Variants in SERPINB4 observed in about 807,000 individuals in gnomAD.
SERPINB4 encodes the protein serpin family B member 4, also known as serpin B4.
SERPINB4 carries 39 observed loss-of-function variants against 33.2 expected under a neutral mutation model. That is an observed-to-expected ratio of 1.18 (90% CI 0.91 to 1.53). The LOEUF (loss-of-function observed/expected upper bound fraction) is 1.53, where lower values mean the gene tolerates loss of function less well. SERPINB4 is among the 40% of genes most tolerant of loss of function. The probability of loss-of-function intolerance (pLI) is 0.00; values close to 1 mark genes in which losing one functional copy is unlikely to be tolerated. For synonymous variants in SERPINB4, 191 were observed against 166.4 expected, an observed-to-expected ratio of 1.15 and a Z score of -1.14; for missense variants, 564 against 455.4, an observed-to-expected ratio of 1.24 and a Z score of -2.17.
At chr18:63,642,000 T>C in intron 3 of SERPINB4, 112 bp from the exon 4 acceptor site, 1 of 1,458,416 alleles carries the variant, frequency 6.9e-7, no homozygotes, top group Non-Finnish European at 9.4e-7. Flanking sequence ...TTGAGGACCT[T>C]TGATGTTATT....
chr18:63,639,707 A>G lies in SERPINB4; in HGVS notation c.539T>C (p.Ile180Thr). 1 of 1,612,244 alleles carries G rather than the reference A, an allele frequency of 6.2e-7. No homozygotes were observed. The highest frequency in any genetic ancestry group is 8.5e-7 in the Non-Finnish European group (1 of 1,178,668). Reference sequence around the variant, plus strand: ...ATTCTCCCACTGCCCTTTGAAATAGATTGCGTTCACAAGAACCAGTGTCGT... The same window carrying G: ...ATTCTCCCACTGCCCTTTGAAATAGGTTGCGTTCACAAGAACCAGTGTCGT... ...NDTTLVLVNA[I>T]YFKGQWENKF... Residue 180 changes from isoleucine to threonine, a missense_variant, in exon 6 of 8, where the codon ATC becomes ACC. By Grantham distance (89) the Ile-to-Thr change is moderately conservative. Transcript: ENST00000341074.
At chr18:63,643,754 A>G (rs1335251235) in intron 1 of SERPINB4, among the ~76,000 whole-genome samples, 151 bp from the exon 2 acceptor site, 1 of 152,116 alleles carries the variant, frequency 6.6e-6, no homozygotes, top group Non-Finnish European at 1.5e-5. Context: ...TCTTTCTACA[A>G]TGTGCATATA....
At chr18:63,641,561 A>T (rs1346844306) in intron 4 of SERPINB4, among the ~76,000 whole-genome samples, 199 bp downstream of exon 4, 2 of 152,016 alleles carry the variant, frequency 1.3e-5, no homozygotes, top group Admixed American at 6.6e-5. Context: ...TTATCCCTAA[A>T]TCCACACTTC....
rs1912971341 is a variant in SERPINB4 at position 63,637,697 on chromosome 18, T to C, written c.*22A>G. 1 of 1,567,858 alleles carries C rather than the reference T, an allele frequency of 6.4e-7. No individual in the cohort carries two copies. Among genetic ancestry groups the C allele is most frequent in the Non-Finnish European group, 8.6e-7 (1 of 1,157,244 alleles). On this transcript the variant is annotated 3_prime_UTR_variant, in exon 8 of 8. Transcript: ENST00000341074. ...CACCTCTAGGTGAACATTTTCTAAATGGAGTGACAGACTAATTGCATCTAT... is the reference window on the plus strand; with the variant it reads ...CACCTCTAGGTGAACATTTTCTAAACGGAGTGACAGACTAATTGCATCTAT...
chr18:63,639,107 C>A, intron 7 of SERPINB4, 78 bp downstream of exon 7: 1 of 1,456,266 alleles, frequency 6.9e-7, no homozygotes, highest in South Asian at 1.6e-5. Context: ...CGGTCATAAG[C>A]TTTTACCTTG....
rs776882459 is a variant in SERPINB4, at chr18:63,637,998, C to T, written c.894G>A (p.Thr298=). The part of the protein sequence containing the change: ...KMEESYDLKD[T]LRTMGMVNIF... The stretch of plus-strand genomic sequence containing the variant: ...TATTCACCATTCCCATGGTTCTCAA[C>T]GTGTCCTTGAGGTCATAGCTCTCTT... Residue 298 remains threonine, a synonymous_variant, in exon 8 of 8, where the codon ACG becomes ACA. Transcript: ENST00000341074. 25 of 1,613,500 alleles carry T rather than the reference C, an allele frequency of 1.5e-5. No homozygotes were observed. The Middle Eastern group carries it at 1.3e-3, about 85-fold the overall frequency.
rs926242010 is a variant in SERPINB4 at position 63,644,249 on chromosome 18, G to C, written c.-67C>G. 4 of 152,578 alleles carry C rather than the reference G, an allele frequency of 2.6e-5. No individual in the cohort carries two copies. Among genetic ancestry groups the C allele is most frequent in the African/African-American group, 9.7e-5 (4 of 41,404 alleles). 9.5% of individuals were successfully genotyped at this position (152,578 alleles called of 1,614,324 possible). A position where few individuals can be genotyped will look rare whatever the true frequency, so the allele number is the denominator to read the frequency against. On this transcript the variant is annotated 5_prime_UTR_variant, in exon 1 of 8. Coordinates refer to ENST00000341074, the MANE Select transcript of SERPINB4 (RefSeq NM_002974.4). ...AAGCAGAGGTGGGCAGAGAGGCTGT[G>C]TGTGTCTGTGGAATGAAGGGTGAGA...
intron 2 of SERPINB4, 86 bp from the exon 3 acceptor site, chr18:63,643,303 A>C (rs374445926): frequency 1.9e-5 from 31 of 1,611,294 alleles, no homozygotes; most frequent in Non-Finnish European, 2.5e-5. Context: ...GAATTCCTGC[A>C]CAGCCCCCTG....
intron 3 of SERPINB4, 98 bp downstream of exon 3, chr18:63,643,063 C>T (rs2144475965): frequency 6.8e-7 from 1 of 1,463,376 alleles, no homozygotes; most frequent in Non-Finnish European, 9.5e-7. Context: ...CCAAGATTTT[C>T]CCTAAAACTG....
rs1218897944 is a variant in SERPINB4 at position 63,643,557 on chromosome 18, G to C, written c.21C>G (p.Ala7=). 15 of 1,613,458 alleles carry C rather than the reference G, an allele frequency of 9.3e-6. No individual in the cohort carries two copies. Among genetic ancestry groups the C allele is most frequent in the Non-Finnish European group, 1.3e-5 (15 of 1,179,616 alleles). Residue 7 remains alanine, a synonymous_variant, in exon 2 of 8, where the codon GCC becomes GCG. Transcript: ENST00000341074. Reference sequence around the variant, plus strand: ...ACAGATCGAACATGAACTTGGTGTTGGCTTCACTGAGTGAATTCATGGTGA... The same window carrying C: ...ACAGATCGAACATGAACTTGGTGTTCGCTTCACTGAGTGAATTCATGGTGA... MNSLSE[A]NTKFMFDLFQ...
At position 63,637,656 on chromosome 18, in the gene SERPINB4, A is replaced by C. The variant is rs1912969001; in HGVS notation, c.*63T>G. The C allele has an allele frequency of 6.7e-7, 1 of 1,482,446 alleles. No homozygotes were observed. The highest frequency in any genetic ancestry group is 2.3e-5 in the Admixed American group (1 of 44,236). 91.8% of individuals were successfully genotyped at this position (1,482,446 alleles called of 1,614,324 possible). On this transcript the variant is annotated 3_prime_UTR_variant, in exon 8 of 8. Transcript: ENST00000341074. ...GCCAAGAGAATCTGTTGTTGCCAGCAATCAGTTTACCAGAACACCTCTAGG... is the reference window on the plus strand; with the variant it reads ...GCCAAGAGAATCTGTTGTTGCCAGCCATCAGTTTACCAGAACACCTCTAGG...
chr18:63,643,027 C>A lies in SERPINB4; in HGVS notation c.222+134G>T, dbSNP rs1913187604. ...AATTATGTGCCATGAAATGCCAACC[C>A]ACTCTGTATGTCTCAATCTTTGTGT... On this transcript the variant is annotated intron_variant, in intron 3 of 7. Transcript: ENST00000341074. 3.6e-5 allele frequency: 37 copies of A among 1,034,504 alleles called. No individual in the cohort carries two copies. In the South Asian group the frequency reaches 5.2e-4, roughly 15 times the overall value. The allele number at this position is 1,034,504 out of a possible 1,614,324, so 64.1% of individuals were successfully genotyped here.
chr18:63,637,791 G>T lies in SERPINB4; in HGVS notation c.1101C>A (p.His367Gln). ...PSTNEEFCCN[H>Q]PFLFFIRQNK... ...TTTGCCTTATGAAGAATAGGAAAGG[G>T]TGATTACAACAGAACTCTTCATTAG... The change falls in exon 8 of 8, where the codon CAC becomes CAA. Residue 367 changes from histidine (H) to glutamine (Q), a missense_variant. Transcript: ENST00000341074. The T allele has an allele frequency of 6.2e-7, 1 of 1,613,482 alleles. No individual in the cohort carries two copies. The highest frequency in any genetic ancestry group is 8.5e-7 in the Non-Finnish European group (1 of 1,179,650).
At chr18:63,642,710 T>C (rs1913176316) in intron 3 of SERPINB4, among the ~76,000 whole-genome samples, 1 of 152,150 alleles carries the variant, frequency 6.6e-6, no homozygotes, top group Admixed American at 6.6e-5. Flanking sequence ...TTCACATTAT[T>C]ATGATTAGTA....
chr18:63,641,680 C>T lies in SERPINB4; in HGVS notation c.351+80G>A, dbSNP rs149076173. ...CACCTGAGTCGGCCAGGCTCATCTGCCTTGCTTTCTTCCATTTGGCCACTC... is the reference window on the plus strand; with the variant it reads ...CACCTGAGTCGGCCAGGCTCATCTGTCTTGCTTTCTTCCATTTGGCCACTC... On this transcript the variant is annotated intron_variant, in intron 4 of 7. Coordinates refer to ENST00000341074, the MANE Select transcript of SERPINB4 (RefSeq NM_002974.4). The T allele has an allele frequency of 5.3e-3, 8,565 of 1,608,804 alleles. 375 individuals carry two copies. In the African/African-American group the frequency reaches 0.1, roughly 19 times the overall value.
rs769759872 is a variant in SERPINB4 at position 63,640,985 on chromosome 18, A to G, written c.358T>C (p.Leu120=). The G allele has an allele frequency of 5.0e-6, 8 of 1,611,182 alleles. No individual in the cohort carries two copies. In the Admixed American group the frequency reaches 1.2e-4, roughly 24 times the overall value. Residue 120 remains leucine (L), a synonymous_variant, in exon 5 of 8, where the codon TTA becomes CTA. Transcript: ENST00000341074. ...EKTYQFLQEY[L]DAIKKFYQTS... is the part of the protein sequence containing the mutation. ...TGGTAAAATTTCTTGATGGCATCTA[A>G]ATATTCCTTTGAGATATGAAGGAAG...
rs186693993 is a variant in SERPINB4, at chr18:63,643,123, A to G, written c.222+38T>C. 2,346 of 1,612,418 alleles carry G rather than the reference A, an allele frequency of 1.5e-3. 19 individuals carry two copies. In the African/African-American group the frequency reaches 0.02, roughly 14 times the overall value. ...TCCAGGTTTAAACTATGACCTGTTC[A>G]GGGATCTAAAGCTGAACCATAGTGC... On this transcript the variant is annotated intron_variant, in intron 3 of 7. Coordinates refer to ENST00000341074, the MANE Select transcript of SERPINB4 (RefSeq NM_002974.4).
chr18:63,639,208 T>C lies in SERPINB4; in HGVS notation c.745A>G (p.Asn249Asp). Residue 249 changes from asparagine to aspartate, a missense_variant, in exon 7 of 8, where the codon AAT becomes GAT. Transcript: ENST00000341074. ...ACCTTCTGCAGACCATCGATTTCATTTGGCAGCAGCACAATCATGCTTAGA... is the reference window on the plus strand; with the variant it reads ...ACCTTCTGCAGACCATCGATTTCATCTGGCAGCAGCACAATCATGCTTAGA... ...KDLSMIVLLP[N>D]EIDGLQKLEE... 1.9e-6 allele frequency: 3 copies of C among 1,609,592 alleles called. No homozygotes were observed. Among genetic ancestry groups the C allele is most frequent in the Non-Finnish European group, 2.5e-6 (3 of 1,177,086 alleles).
chr18:63,638,857 C>T (rs28546367), intron 7 of SERPINB4, among the ~76,000 whole-genome samples: 7,253 of 149,492 alleles, frequency 0.049, 591 homozygotes, highest in African/African-American at 0.16. Context: ...ATATACCTAA[C>T]GCTAAATGAC....
Sources: gnomAD v4.1 joint callset for allele counts (sites outside exome capture counted in the v4.1 genomes callset) on GRCh38, gnomAD v4.1.1 for gene constraint, MANE v1.5 for transcripts, NCBI Gene and HGNC (gene_info 2026-07-23, HGNC 2026-07-21) for gene names.